Variants in MOSMO observed in about 807,000 individuals in gnomAD.
MOSMO encodes modulator of smoothened protein.
MOSMO carries 5 observed loss-of-function variants against 18.4 expected under a neutral mutation model. The ratio of observed to expected loss-of-function variants is 0.27; its 90% confidence interval spans 0.14 to 0.57. The LOEUF (loss-of-function observed/expected upper bound fraction) is 0.57. MOSMO is among the 20% of genes least tolerant of loss of function. MOSMO has a pLI of 0.92. For missense variants in MOSMO, 138 were observed against 211.8 expected (o/e 0.65, Z 2.16); for synonymous variants, 82 against 82.3 (o/e 1.00, Z 0.02).
intron 1 of MOSMO, among the ~76,000 whole-genome samples, chr16:22,054,422 T>C (rs1375759365): frequency 6.6e-6 from 1 of 152,080 alleles, no homozygotes; most frequent in East Asian, 1.9e-4. Flanking sequence ...GTTGAGAAGG[T>C]ATTTCACCTC....
At chr16:22,062,270 GAGAA>G (rs1447857103) in intron 1 of MOSMO, among the ~76,000 whole-genome samples, 1 of 133,888 alleles carries the variant, frequency 7.5e-6, no homozygotes, top group African/African-American at 3.0e-5. Context: ...ATATAAAAAA[GAGAA>G]AGATAGAATC....
intron 1 of MOSMO, among the ~76,000 whole-genome samples, chr16:22,017,326 C>G (rs1238688879): frequency 6.6e-6 from 1 of 152,172 alleles, no homozygotes; most frequent in Non-Finnish European, 1.5e-5. Context: ...TGTACGGTGA[C>G]AGCAGTGACA....
At chr16:22,043,468 C>G (rs1164673911) in intron 1 of MOSMO, among the ~76,000 whole-genome samples, 3 of 152,260 alleles carry the variant, frequency 2.0e-5, no homozygotes, top group African/African-American at 4.8e-5. Flanking sequence ...CTTGCCTCAT[C>G]TTCCTATATT....
At chr16:22,031,181 G>A (rs558536327) in intron 1 of MOSMO, among the ~76,000 whole-genome samples, 1 of 152,296 alleles carries the variant, frequency 6.6e-6, no homozygotes, top group South Asian at 2.1e-4. Context: ...CCGTAAGAAT[G>A]TTCCAGGTAG....
At chr16:22,046,689 G>A (rs2141738332) in intron 1 of MOSMO, among the ~76,000 whole-genome samples, 1 of 152,224 alleles carries the variant, frequency 6.6e-6, no homozygotes, top group East Asian at 1.9e-4. Flanking sequence ...GCACAAAAAT[G>A]TGAAAGACGT....
intron 1 of MOSMO, among the ~76,000 whole-genome samples, chr16:22,058,542 A>T (rs1467119985): frequency 6.6e-6 from 1 of 152,274 alleles, no homozygotes; most frequent in South Asian, 2.1e-4. Context: ...GATGTTGGAC[A>T]TGTAGACAGA....
At chr16:22,027,275 T>A (rs1899895303) in intron 1 of MOSMO, among the ~76,000 whole-genome samples, 1 of 152,226 alleles carries the variant, frequency 6.6e-6, no homozygotes, top group Admixed American at 6.5e-5. Context: ...GCCACTTGTC[T>A]GGGGAAATCA....
intron 1 of MOSMO, among the ~76,000 whole-genome samples, chr16:22,052,946 ATCT>A (rs1900455391): frequency 1.3e-5 from 2 of 148,816 alleles, no homozygotes; most frequent in African/African-American, 4.9e-5. Context: ...ATATTCTCTC[ATCT>A]TCTTTTTTTT....
chr16:22,077,655 C>A (rs1407691355), intron 2 of MOSMO, among the ~76,000 whole-genome samples: 1 of 151,962 alleles, frequency 6.6e-6, no homozygotes, highest in Non-Finnish European at 1.5e-5. Context: ...CGTAATATAT[C>A]TTTGAGCTAA....
intron 1 of MOSMO, among the ~76,000 whole-genome samples, chr16:22,066,559 T>C (rs1900751792): frequency 6.6e-6 from 1 of 152,192 alleles, no homozygotes; most frequent in African/African-American, 2.4e-5. Context: ...AATTGTCTGC[T>C]GCAGCATTGA....
At chr16:22,026,441 A>T (rs762648489) in intron 1 of MOSMO, among the ~76,000 whole-genome samples, 1 of 151,580 alleles carries the variant, frequency 6.6e-6, no homozygotes, top group African/African-American at 2.4e-5. Flanking sequence ...TTGATCTCAA[A>T]CTCCTGACCT....
chr16:22,080,743 A>G lies in MOSMO; in HGVS notation c.367A>G (p.Ile123Val), dbSNP rs1011723436. The change falls in exon 3 of 3, where the codon ATC becomes GTC. Residue 123 changes from isoleucine (I) to valine (V), a missense_variant. Ile to Val is a conservative substitution (Grantham distance 29). Coordinates refer to ENST00000542527, the MANE Select transcript of MOSMO (RefSeq NM_001164579.2). ...AALIFPIGFY[I>V]NEVGGQPYKL... Reference sequence around the variant, plus strand: ...CCTAATATTTCCAATAGGATTTTACATCAATGAAGTCGGAGGTCAACCTTA... The same window carrying G: ...CCTAATATTTCCAATAGGATTTTACGTCAATGAAGTCGGAGGTCAACCTTA... 2.3e-5 allele frequency: 34 copies of G among 1,504,580 alleles called. No homozygotes were observed. The highest frequency in any genetic ancestry group is 3.0e-5 in the Non-Finnish European group (34 of 1,134,262). The allele number at this position is 1,504,580 out of a possible 1,614,324, so 93.2% of individuals were successfully genotyped here. A position where few individuals can be genotyped will look rare whatever the true frequency, so the allele number is the denominator to read the frequency against.
intron 1 of MOSMO, among the ~76,000 whole-genome samples, chr16:22,046,556 C>T (rs149362439): frequency 2.0e-5 from 3 of 152,210 alleles, no homozygotes; most frequent in Non-Finnish European, 4.4e-5. Context: ...CATGCCTGAA[C>T]GAAGTTTCCC....
At chr16:22,028,372 T>C (rs1026803594) in intron 1 of MOSMO, among the ~76,000 whole-genome samples, 2 of 151,340 alleles carry the variant, frequency 1.3e-5, no homozygotes, top group African/African-American at 2.4e-5. Flanking sequence ...TTTTATGTTT[T>C]TTTTTTTTAA....
At chr16:22,036,890 G>A (rs894893487) in intron 1 of MOSMO, among the ~76,000 whole-genome samples, 2 of 152,296 alleles carry the variant, frequency 1.3e-5, no homozygotes, top group African/African-American at 4.8e-5. Flanking sequence ...ATTTGAAGAG[G>A]TTGTCAAACC....
At chr16:22,032,347 T>C (rs997639844) in intron 1 of MOSMO, among the ~76,000 whole-genome samples, 9 of 151,994 alleles carry the variant, frequency 5.9e-5, no homozygotes, top group African/African-American at 1.9e-4. Context: ...CATGCCACCA[T>C]GTCCAAGCTA....
rs573039618 is a variant in MOSMO at position 22,023,457 on chromosome 16, A to G, written c.106+15050A>G. Among the ~76,000 whole-genome samples the G allele has an allele frequency of 2.6e-5, 4 of 152,326 alleles. No individual in the cohort carries two copies. In the East Asian group the frequency reaches 7.7e-4, roughly 29 times the overall value. ...CTTTATTGTGACTATCTTGACAGTTATCAGGGATGTTGGATACATTATGGG... is the reference window on the plus strand; with the variant it reads ...CTTTATTGTGACTATCTTGACAGTTGTCAGGGATGTTGGATACATTATGGG... On this transcript the variant is annotated intron_variant, in intron 1 of 2. Coordinates refer to ENST00000542527, the MANE Select transcript of MOSMO (RefSeq NM_001164579.2).
At position 22,060,294 on chromosome 16, in the gene MOSMO, A is replaced by T. The variant is rs574336021; in HGVS notation, c.107-15193A>T. ...ATATTGGTAAAACACATGTCAGAAG[A>T]TGGACTTGTATTCAGAATATTTGGA... On this transcript the variant is annotated intron_variant, in intron 1 of 2. Transcript: ENST00000542527. 2.8e-4 allele frequency among the ~76,000 whole-genome samples: 42 copies of T among 152,370 alleles called. No homozygotes were observed. In the South Asian group the frequency reaches 8.5e-3, roughly 31 times the overall value.
chr16:22,077,409 T>C (rs1002232091), intron 2 of MOSMO, among the ~76,000 whole-genome samples: 1 of 152,176 alleles, frequency 6.6e-6, no homozygotes, highest in African/African-American at 2.4e-5. Context: ...TTTGAAATAA[T>C]ATGTGCATAT....
Sources: allele counts gnomAD v4.1 joint callset (sites outside exome capture counted in the v4.1 genomes callset), GRCh38; gene constraint gnomAD v4.1.1; transcripts MANE v1.5; gene names NCBI Gene and HGNC (gene_info 2026-07-23, HGNC 2026-07-21).